SPAG9: variants seen among roughly 807,000 people sequenced by gnomAD.
The protein encoded by SPAG9 is C-Jun-amino-terminal kinase-interacting protein 4.
Under a neutral mutation model 166.5 loss-of-function variants are expected in SPAG9, and 35 were observed. The ratio of observed to expected loss-of-function variants is 0.21; its 90% CI spans 0.16 to 0.28. The LOEUF (loss-of-function observed/expected upper bound fraction) is 0.28, where lower values mean the gene tolerates loss of function less well. Among genes scored for constraint, SPAG9 ranks in the 10% least tolerant of loss-of-function variants. SPAG9 has a pLI of 1.00. For synonymous variants in SPAG9, 534 were observed against 565.5 expected (o/e 0.94, Z 0.79); for missense variants, 1,235 against 1,603.3 (o/e 0.77, Z 3.92).
At chr17:50,971,180 G>C (rs917940248) in intron 28 of SPAG9, among the ~76,000 whole-genome samples, 1 of 151,974 alleles carries the variant, frequency 6.6e-6, no homozygotes, top group Non-Finnish European at 1.5e-5. Context: ...GGTGGTATGC[G>C]CCTGTAATCC....
rs138899863 is a variant in SPAG9, at chr17:50,986,233, T to G, written c.2940-455A>C. 6.4e-3 allele frequency among the ~76,000 whole-genome samples: 974 copies of G among 152,086 alleles called. 13 individuals are homozygous for G. Among genetic ancestry groups the G allele is most frequent in the African/African-American group, 0.021 (881 of 41,412 alleles). On this transcript the variant is annotated intron_variant, in intron 22 of 29. Transcript: ENST00000262013. ...CTTTTTACATTTTTAAAAGTGTGTG[T>G]GGGGGGGAAATCAAGGGTATTTTAC... is the stretch of plus-strand genomic sequence containing the variant.
In SPAG9 at chr17:51,047,394, T is replaced by C; in HGVS notation, c.571A>G (p.Thr191Ala). The C allele has an allele frequency of 6.3e-7, 1 of 1,583,896 alleles. No homozygotes were observed. Among genetic ancestry groups the C allele is most frequent in the South Asian group, 1.1e-5 (1 of 88,196 alleles). ...QLSGSDQLES[T>A]AHSRIRKERP... is the part of the protein sequence containing the mutation. ...GCTTACCTAATTCTACTATGAGCTGTGGATTCTAGTTGATCACTCCCTGAG... is the reference window on the plus strand; with the variant it reads ...GCTTACCTAATTCTACTATGAGCTGCGGATTCTAGTTGATCACTCCCTGAG... Residue 191 changes from threonine (T) to alanine (A), a missense_variant, in exon 4 of 30, where the codon ACA becomes GCA. Thr to Ala is a moderately conservative substitution (Grantham distance 58, BLOSUM62 0). Coordinates refer to ENST00000262013, the MANE Select transcript of SPAG9 (RefSeq NM_001130528.3).
intron 27 of SPAG9, 49 bp from the exon 28 acceptor site, chr17:50,974,996 A>ACCTCTTACATTCATTACTGT: frequency 6.4e-7 from 1 of 1,560,274 alleles, no homozygotes; most frequent in Non-Finnish European, 8.8e-7. Context: ...GAAAACAGTA[A>ACCTCTTACATTCATTACTGT]TGAATGTAAG....
At chr17:51,019,398 C>CA (rs1040063605) in intron 8 of SPAG9, among the ~76,000 whole-genome samples, 7 of 150,966 alleles carry the variant, frequency 4.6e-5, no homozygotes, top group Admixed American at 3.9e-4. Context: ...ACTAAAAATA[C>CA]AAAAAAAAAT....
chr17:51,068,790 A>T (rs539499233), intron 2 of SPAG9, among the ~76,000 whole-genome samples: 2 of 152,316 alleles, frequency 1.3e-5, no homozygotes, highest in South Asian at 4.1e-4. Flanking sequence ...TCATAAACTT[A>T]ATTTTCTGAT....
At chr17:51,077,073 TCTAGCTATCTAG>T (rs1245917886) in intron 2 of SPAG9, among the ~76,000 whole-genome samples, 6 of 115,976 alleles carry the variant, frequency 5.2e-5, no homozygotes, top group Admixed American at 2.5e-4. Flanking sequence ...TAGCTAGCTA[TCTAGCTATCTAG>T]CTAGCTATCT....
At chr17:51,055,423 G>A (rs11651966) in intron 3 of SPAG9, among the ~76,000 whole-genome samples, 10,318 of 152,060 alleles carry the variant, frequency 0.068, 387 homozygotes, top group Non-Finnish European at 0.089. Context: ...AATCTTTGTA[G>A]CATTAATATG....
rs1017724035 is a variant in SPAG9 at position 50,964,189 on chromosome 17, T to C, written c.*2083A>G. On this transcript the variant is annotated 3_prime_UTR_variant, in exon 30 of 30. Coordinates refer to ENST00000262013, the MANE Select transcript of SPAG9 (RefSeq NM_001130528.3). ...GTGGTACTTAAGAATGTTTAGACAA[T>C]TTGACATCTACGTTTGCTTTCTTTT... 3 of 152,242 alleles carry C rather than the reference T, an allele frequency of 2.0e-5. No homozygotes were observed. Among genetic ancestry groups the C allele is most frequent in the African/African-American group, 7.2e-5 (3 of 41,464 alleles). The allele number at this position is 152,242 out of a possible 1,614,324, so 9.4% of individuals were successfully genotyped here. A position where few individuals can be genotyped will look rare whatever the true frequency, so the allele number is the denominator to read the frequency against.
At chr17:51,092,810 C>T (rs2048506040) in intron 1 of SPAG9, among the ~76,000 whole-genome samples, 1 of 150,830 alleles carries the variant, frequency 6.6e-6, no homozygotes, top group South Asian at 2.1e-4. Flanking sequence ...TGGTGGCAGA[C>T]ACCTGTAGTT....
chr17:51,098,592 A>G (rs1391186266), intron 1 of SPAG9, among the ~76,000 whole-genome samples: 1 of 152,016 alleles, frequency 6.6e-6, no homozygotes, highest in Admixed American at 6.6e-5. Context: ...TCCAGGGTTC[A>G]ACCGATTCTC....
intron 1 of SPAG9, among the ~76,000 whole-genome samples, chr17:51,108,631 G>A (rs996300659): frequency 1.3e-5 from 2 of 151,750 alleles, no homozygotes; most frequent in African/African-American, 4.8e-5. Context: ...CAAGTAGCTG[G>A]AGCCACAGGT....
intron 1 of SPAG9, among the ~76,000 whole-genome samples, chr17:51,081,312 G>A (rs949550403): frequency 2.0e-5 from 3 of 152,096 alleles, no homozygotes; most frequent in Non-Finnish European, 2.9e-5. Flanking sequence ...TTAGCTGGGC[G>A]TGGTGGCAGG....
In SPAG9 at chr17:50,985,716, T is replaced by C. The variant is rs1326492337; in HGVS notation, c.3002A>G (p.Asp1001Gly). Residue 1001 changes from aspartate to glycine, a missense_variant, in exon 23 of 30, where the codon GAT (aspartate) becomes GGT (glycine). Physicochemically the swap from Asp to Gly is moderately conservative, Grantham distance 94 (BLOSUM62 -1). Around this residue, in one of 6 missense-constraint regions of SPAG9, gnomAD observed 493 missense variants for 559.4 expected, o/e 0.88. Transcript: ENST00000262013. ...RKCLHSIKLK[D>G]SILSIVHVKG... ...AACTTACACAATACTGAGAATCGAA[T>C]CTTTAAGTTTAATGGAATGGAGACA... 1.3e-6 allele frequency: 2 copies of C among 1,598,332 alleles called. No homozygotes were observed. Among genetic ancestry groups the C allele is most frequent in the Non-Finnish European group, 1.7e-6 (2 of 1,166,958 alleles).
At chr17:51,045,498 A>G (rs1421493395) in intron 4 of SPAG9, among the ~76,000 whole-genome samples, 1 of 152,148 alleles carries the variant, frequency 6.6e-6, no homozygotes, top group Non-Finnish European at 1.5e-5. Flanking sequence ...CTAATATTAA[A>G]CTTGAACTGA....
chr17:51,040,033 G>A lies in SPAG9; in HGVS notation c.741+1468C>T, dbSNP rs914466062. 6.6e-5 allele frequency among the ~76,000 whole-genome samples: 10 copies of A among 152,092 alleles called. No individual in the cohort carries two copies. The East Asian group carries it at 1.4e-3, about 21-fold the overall frequency. ...GTGGATCACCTGAGGTCAGGAGTTC[G>A]AGGTCAGCCTGACCAACATGGTGAA... On this transcript the variant is annotated intron_variant, in intron 5 of 29. Coordinates refer to ENST00000262013, the MANE Select transcript of SPAG9 (RefSeq NM_001130528.3).
At chr17:51,031,880 T>A in intron 5 of SPAG9, 158 bp from the exon 6 acceptor site, 1 of 705,906 alleles carries the variant, frequency 1.4e-6, no homozygotes, top group South Asian at 1.5e-5. Context: ...TTATTTTGAC[T>A]TAAGCTGACC....
intron 5 of SPAG9, among the ~76,000 whole-genome samples, chr17:51,033,023 GT>G (rs57702261): frequency 0.026 from 3,875 of 146,754 alleles, 147 homozygotes; most frequent in African/African-American, 0.085. Context: ...AACAGATGTG[GT>G]TTTTTTTTTT....
intron 13 of SPAG9, among the ~76,000 whole-genome samples, chr17:51,000,125 G>C (rs77477062): frequency 6.6e-6 from 1 of 152,096 alleles, no homozygotes; most frequent in Non-Finnish European, 1.5e-5. Context: ...AAAATAGCTT[G>C]AAACTTTGGC....
In SPAG9 at chr17:51,091,466, GT is replaced by G. The variant is rs569115942; in HGVS notation, c.304-11763del. Reference sequence around the variant, plus strand: ...AAATCGTGGCAGGAGAAGCGCAGCAGTTTTTTTTGTTTGTTTTTCTGTTTTT... The same window carrying G: ...AAATCGTGGCAGGAGAAGCGCAGCAGTTTTTTTGTTTGTTTTTCTGTTTTT... On this transcript the variant is annotated intron_variant, in intron 1 of 29. Transcript: ENST00000262013. 1.4e-3 allele frequency among the ~76,000 whole-genome samples: 211 copies of G among 151,714 alleles called. 1 individual carries two copies. The highest frequency in any genetic ancestry group is 4.8e-3 in the African/African-American group (199 of 41,328).
Sources: allele counts gnomAD v4.1 joint callset (sites outside exome capture counted in the v4.1 genomes callset), GRCh38; gene constraint gnomAD v4.1.1; regional missense constraint gnomAD v4.1.1; transcripts MANE v1.5; gene names NCBI Gene and HGNC (gene_info 2026-07-23, HGNC 2026-07-21).